Variants in PLXNC1 observed in about 807,000 individuals in gnomAD.
PLXNC1 encodes plexin-C1.
A neutral mutation model predicts 178.2 loss-of-function variants in PLXNC1; 75 were observed. That is an observed-to-expected ratio of 0.42 (90% confidence interval 0.35 to 0.51). The LOEUF (loss-of-function observed/expected upper bound fraction) is 0.51, where lower values mean the gene tolerates loss of function less well. PLXNC1 is among the 20% of genes least tolerant of loss of function. The pLI is 0.02. For synonymous variants in PLXNC1, 790 were observed against 779.9 expected (o/e 1.01, Z -0.22); for missense variants, 1,503 against 1,984.4 (o/e 0.76, Z 4.61).
intron 6 of PLXNC1, 100 bp from the exon 7 acceptor site, chr12:94,224,128 T>C (rs1210785245): frequency 1.3e-6 from 1 of 780,296 alleles, no homozygotes; most frequent in Non-Finnish European, 2.3e-6. Flanking sequence ...CTGCCCACTA[T>C]GCAGAGGAAG....
At chr12:94,188,709 A>T (rs750692610) in intron 4 of PLXNC1, among the ~76,000 whole-genome samples, 29 of 152,250 alleles carry the variant, frequency 1.9e-4, no homozygotes, top group Admixed American at 3.9e-4. Flanking sequence ...AATGGATGAT[A>T]CAGGAGAGAG....
At chr12:94,220,512 C>G (rs1486315540) in intron 6 of PLXNC1, among the ~76,000 whole-genome samples, 1 of 152,180 alleles carries the variant, frequency 6.6e-6, no homozygotes, top group East Asian at 1.9e-4. Context: ...ATTTTAACAA[C>G]CAATGTTCCA....
chr12:94,248,490 T>C, intron 14 of PLXNC1, 78 bp downstream of exon 14: 1 of 1,106,658 alleles, frequency 9.0e-7, no homozygotes. Context: ...GAGGCCAGAA[T>C]GGAATCTTTC....
chr12:94,196,906 T>C (rs1336233602), intron 4 of PLXNC1, among the ~76,000 whole-genome samples: 1 of 152,190 alleles, frequency 6.6e-6, no homozygotes, highest in Admixed American at 6.5e-5. Flanking sequence ...AGAAACAAAT[T>C]CCCACAAACT....
chr12:94,284,711 G>A (rs1373689539), intron 23 of PLXNC1, among the ~76,000 whole-genome samples: 1 of 152,084 alleles, frequency 6.6e-6, no homozygotes, highest in Non-Finnish European at 1.5e-5. Flanking sequence ...GTTGGCTGTA[G>A]GGTCTGTGGC....
Position 94,281,582 on chromosome 12 carries a change from A to C in PLXNC1, c.3776-716A>C, listed in dbSNP as rs139645516. 1.1e-3 allele frequency among the ~76,000 whole-genome samples: 142 copies of C among 124,778 alleles called. 1 individual carries two copies. The East Asian group carries it at 0.032, about 28-fold the overall frequency. 81.9% of individuals were successfully genotyped at this position (124,778 alleles called of 152,430 possible). On this transcript the variant is annotated intron_variant, in intron 22 of 30. Coordinates refer to ENST00000258526, the MANE Select transcript of PLXNC1 (RefSeq NM_005761.3). ...TATCCAGTTTTTTATATGCAACTTA[A>C]AAACTTTTAAAAAAAATTTTATAGA...
chr12:94,226,637 G>T lies in PLXNC1; in HGVS notation c.1823G>T (p.Trp608Leu). Residue 608 changes from tryptophan to leucine, a missense_variant, in exon 8 of 31, where the codon TGG becomes TTG. By Grantham distance (61) the Trp-to-Leu change is moderately conservative. Transcript: ENST00000258526. Reference sequence around the variant, plus strand: ...GCATGCGTAGAAACTGGCTGCGCGTGGTGTAAAAGTGCAAGAAGGTGTATC... The same window carrying T: ...GCATGCGTAGAAACTGGCTGCGCGTTGTGTAAAAGTGCAAGAAGGTGTATC... ...CPACVETGCA[W>L]CKSARRCIHP... The T allele has an allele frequency of 6.2e-7, 1 of 1,613,770 alleles. No individual in the cohort carries two copies. Among genetic ancestry groups the T allele is most frequent in the Non-Finnish European group, 8.5e-7 (1 of 1,179,736 alleles).
intron 23 of PLXNC1, among the ~76,000 whole-genome samples, chr12:94,293,566 G>A (rs1372245446): frequency 2.0e-5 from 3 of 152,182 alleles, no homozygotes; most frequent in Admixed American, 6.5e-5. Flanking sequence ...CCGTCTTCTT[G>A]TATCCTTGTG....
chr12:94,198,354 G>C (rs1012768676), intron 4 of PLXNC1, among the ~76,000 whole-genome samples: 1 of 152,098 alleles, frequency 6.6e-6, no homozygotes, highest in Non-Finnish European at 1.5e-5. Context: ...GACACAGGGA[G>C]GGGACAACAC....
chr12:94,176,991 G>C (rs1962072094), intron 2 of PLXNC1, among the ~76,000 whole-genome samples: 1 of 149,916 alleles, frequency 6.7e-6, no homozygotes, highest in South Asian at 2.1e-4. Flanking sequence ...GGAGATTTAA[G>C]TTGTTTTAAT....
At chr12:94,287,362 G>A (rs989058884) in intron 23 of PLXNC1, among the ~76,000 whole-genome samples, 1 of 152,344 alleles carries the variant, frequency 6.6e-6, no homozygotes, top group East Asian at 1.9e-4. Context: ...ATGTGCACCT[G>A]CATGTTCAGG....
chr12:94,286,724 T>G (rs1170364368), intron 23 of PLXNC1, among the ~76,000 whole-genome samples: 1 of 152,032 alleles, frequency 6.6e-6, no homozygotes, highest in African/African-American at 2.4e-5. Context: ...TAGTTAGGTT[T>G]TAAAGTTAAT....
At chr12:94,285,411 G>C (rs1966777098) in intron 23 of PLXNC1, among the ~76,000 whole-genome samples, 1 of 152,142 alleles carries the variant, frequency 6.6e-6, no homozygotes, top group African/African-American at 2.4e-5. Flanking sequence ...TGGTTGCGTT[G>C]GGTGATGACT....
Position 94,305,348 on chromosome 12 carries a change from C to A in PLXNC1, c.*63C>A. The A allele has an allele frequency of 1.1e-6, 1 of 894,886 alleles. No individual in the cohort carries two copies. Among genetic ancestry groups the A allele is most frequent in the Non-Finnish European group, 1.8e-6 (1 of 550,110 alleles). 55.4% of individuals were successfully genotyped at this position (894,886 alleles called of 1,614,324 possible). ...AGACGACTTGGGAGCAAAATGGCTG[C>A]TTGAGCTACTCTGTGTCGTTAATTT... On this transcript the variant is annotated 3_prime_UTR_variant, in exon 31 of 31. Coordinates refer to ENST00000258526, the MANE Select transcript of PLXNC1 (RefSeq NM_005761.3).
intron 5 of PLXNC1, among the ~76,000 whole-genome samples, chr12:94,218,473 G>T (rs1191799041): frequency 1.3e-5 from 2 of 152,074 alleles, no homozygotes; most frequent in African/African-American, 4.8e-5. Flanking sequence ...TTCATAGGGG[G>T]TGATAAGGTT....
intron 12 of PLXNC1, among the ~76,000 whole-genome samples, chr12:94,244,420 G>A (rs756742576): frequency 3.1e-4 from 47 of 152,252 alleles, no homozygotes; most frequent in Non-Finnish European, 5.9e-4. Flanking sequence ...GAGAGAGTTG[G>A]GTTCACAGAG....
chr12:94,184,814 G>C (rs1211395180), intron 3 of PLXNC1, among the ~76,000 whole-genome samples: 4 of 152,184 alleles, frequency 2.6e-5, no homozygotes, highest in African/African-American at 9.7e-5. Context: ...AGAATGCTCT[G>C]AGCAAAAGTG....
intron 16 of PLXNC1, 66 bp downstream of exon 16, chr12:94,254,954 C>G (rs1964800105): frequency 1.6e-6 from 2 of 1,286,484 alleles, no homozygotes; most frequent in Non-Finnish European, 2.2e-6. Flanking sequence ...TTTTTTTACC[C>G]TTACATAGAG....
intron 21 of PLXNC1, among the ~76,000 whole-genome samples, chr12:94,268,769 A>G (rs566582767): frequency 5.8e-4 from 88 of 151,720 alleles, no homozygotes; most frequent in Non-Finnish European, 1.1e-3. Context: ...TAATGCTTGT[A>G]TTTTTAGTAG....
Sources: gnomAD v4.1 joint callset for allele counts (sites outside exome capture counted in the v4.1 genomes callset) on GRCh38, gnomAD v4.1.1 for gene constraint, MANE v1.5 for transcripts, NCBI Gene and HGNC (gene_info 2026-07-23, HGNC 2026-07-21) for gene names.